The following RPH3A variants were observed in gnomAD, a reference collection of about 807,000 sequenced individuals.
The protein encoded by RPH3A is rabphilin-3A.
Under a neutral mutation model 102.2 loss-of-function variants are expected in RPH3A, and 48 were observed. The observed-to-expected ratio is 0.47, with a 90% CI of 0.37 to 0.60. The LOEUF is 0.60. Ranked by LOEUF, RPH3A falls within the 20% of genes least tolerant of loss-of-function variation. The probability of loss-of-function intolerance (pLI) is 0.00; values close to 1 mark genes in which losing one functional copy is unlikely to be tolerated. For synonymous variants in RPH3A, 310 were observed against 324.3 expected (o/e 0.96, Z 0.47); for missense variants, 781 against 910.1 (o/e 0.86, Z 1.83).
At position 112,608,299 on chromosome 12, in the gene RPH3A, A is replaced by G. The variant is rs563022030; in HGVS notation, c.-140+32980A>G. On this transcript the variant is annotated intron_variant, in intron 1 of 21. Transcript: ENST00000543106. ...TCTGGCTATTTTTTGTATTTTTAGT[A>G]GAGATGGGGTTTCACCATGTTGGCC... Among the ~76,000 whole-genome samples, 8 of 151,952 alleles carry G rather than the reference A, an allele frequency of 5.3e-5. No individual in the cohort carries two copies. The South Asian group carries it at 1.5e-3, about 28-fold the overall frequency.
At chr12:112,688,194 A>T (rs560453218) in intron 1 of RPH3A, among the ~76,000 whole-genome samples, 2 of 152,318 alleles carry the variant, frequency 1.3e-5, no homozygotes, top group African/African-American at 4.8e-5. Context: ...CAGATAGGAA[A>T]TTTTTGAATT....
intron 1 of RPH3A, among the ~76,000 whole-genome samples, chr12:112,682,427 T>A (rs2040234003): frequency 6.6e-6 from 1 of 151,024 alleles, no homozygotes; most frequent in Non-Finnish European, 1.5e-5. Context: ...TTACTCAGTC[T>A]ACTGATTCAA....
chr12:112,721,967 C>A (rs1592962950), intron 1 of RPH3A, among the ~76,000 whole-genome samples: 1 of 152,300 alleles, frequency 6.6e-6, no homozygotes, highest in Middle Eastern at 3.4e-3. Flanking sequence ...AGGAGTGAAT[C>A]TCCCTTTCCC....
At chr12:112,771,037 G>A (rs887267379) in intron 1 of RPH3A, among the ~76,000 whole-genome samples, 4 of 152,256 alleles carry the variant, frequency 2.6e-5, no homozygotes, top group African/African-American at 9.6e-5. Context: ...AGGTACAAGT[G>A]GTTGCAAATT....
chr12:112,817,829 G>GTGCCTCT (rs367725240), intron 2 of RPH3A, among the ~76,000 whole-genome samples: 230 of 152,294 alleles, frequency 1.5e-3, no homozygotes, highest in African/African-American at 5.1e-3. Context: ...CTGAGGTAGA[G>GTGCCTCT]GAGGGAAGGA....
chr12:112,770,627 A>C (rs998795454), intron 1 of RPH3A, among the ~76,000 whole-genome samples: 13 of 152,162 alleles, frequency 8.5e-5, no homozygotes, highest in African/African-American at 1.4e-4. Context: ...TGCTAGGCTC[A>C]TGCCTGGCAA....
intron 1 of RPH3A, among the ~76,000 whole-genome samples, chr12:112,781,162 AAAAAC>A (rs1166973588): frequency 1.3e-5 from 2 of 149,770 alleles, no homozygotes. Context: ...TCCATCTCAA[AAAAAC>A]AAAACAAAAC....
chr12:112,853,440 GATT>G (rs1432739531), intron 5 of RPH3A, among the ~76,000 whole-genome samples: 6 of 152,150 alleles, frequency 3.9e-5, no homozygotes, highest in Non-Finnish European at 7.3e-5. Flanking sequence ...CAGTGTTGGG[GATT>G]ATTGAGTAGT....
chr12:112,618,345 C>G (rs1241368513), intron 1 of RPH3A, among the ~76,000 whole-genome samples: 1 of 152,324 alleles, frequency 6.6e-6, no homozygotes, highest in East Asian at 1.9e-4. Flanking sequence ...TTCTGCAGAG[C>G]AATTCCACAG....
intron 1 of RPH3A, among the ~76,000 whole-genome samples, chr12:112,612,941 C>T (rs545688243): frequency 7.9e-5 from 12 of 152,066 alleles, no homozygotes; most frequent in Non-Finnish European, 1.5e-4. Flanking sequence ...CAGGTATAAA[C>T]AAGATTATTC....
In RPH3A at chr12:112,800,290, A is replaced by G. The variant is rs921925283; in HGVS notation, c.-19+8027A>G. Among the ~76,000 whole-genome samples the G allele has an allele frequency of 2.6e-5, 4 of 152,146 alleles. No homozygotes were observed. The South Asian group carries it at 6.2e-4, about 24-fold the overall frequency. ...TAGATGGTGAAGGGAGGGATGAGCCACACCTGGGAAGTGGGGGCAGTAAGT... is the reference window on the plus strand; with the variant it reads ...TAGATGGTGAAGGGAGGGATGAGCCGCACCTGGGAAGTGGGGGCAGTAAGT... On this transcript the variant is annotated intron_variant, in intron 2 of 21. Coordinates refer to ENST00000389385, the MANE Select transcript of RPH3A (RefSeq NM_001143854.2).
At chr12:112,688,712 G>A (rs909519922) in intron 1 of RPH3A, among the ~76,000 whole-genome samples, 1 of 152,092 alleles carries the variant, frequency 6.6e-6, no homozygotes, top group Admixed American at 6.6e-5. Flanking sequence ...CATTGAGTTA[G>A]GTTTTATAAT....
chr12:112,576,934 C>T (rs1476019409), intron 1 of RPH3A, among the ~76,000 whole-genome samples: 2 of 89,076 alleles, frequency 2.2e-5, no homozygotes, highest in Non-Finnish European at 1.9e-5. Context: ...GAGATAGAGT[C>T]TCTCTCTGTC....
At chr12:112,894,374 C>A (rs1241368125) in intron 19 of RPH3A, 3 of 596,600 alleles carry the variant, frequency 5.0e-6, no homozygotes, top group Non-Finnish European at 8.8e-6. Context: ...TGCCTAGGGT[C>A]ATGTGGGGAT....
intron 1 of RPH3A, among the ~76,000 whole-genome samples, chr12:112,696,525 C>G (rs1325807761): frequency 6.6e-6 from 1 of 152,198 alleles, no homozygotes; most frequent in African/African-American, 2.4e-5. Flanking sequence ...TCTGGTGGGC[C>G]TGACTCTGAA....
At chr12:112,743,658 C>T (rs187467329) in intron 1 of RPH3A, among the ~76,000 whole-genome samples, 12 of 152,224 alleles carry the variant, frequency 7.9e-5, no homozygotes, top group Admixed American at 5.2e-4. Context: ...GGATGAAGTA[C>T]ATCTTGAATA....
At chr12:112,627,672 A>G (rs1029466299) in intron 1 of RPH3A, among the ~76,000 whole-genome samples, 2 of 152,150 alleles carry the variant, frequency 1.3e-5, no homozygotes, top group African/African-American at 4.8e-5. Flanking sequence ...GGATGCTGGC[A>G]GTGGTAGGTG....
intron 11 of RPH3A, 133 bp downstream of exon 11, chr12:112,875,303 T>A (rs1203153999): frequency 2.9e-6 from 2 of 698,954 alleles, no homozygotes; most frequent in East Asian, 2.8e-5. Context: ...TAACCTCTTC[T>A]AAGACCCTTA....
chr12:112,832,784 A>G (rs2041990768), intron 3 of RPH3A, among the ~76,000 whole-genome samples: 1 of 152,218 alleles, frequency 6.6e-6, no homozygotes, highest in Non-Finnish European at 1.5e-5. Context: ...TCAAGGTTGC[A>G]GTGAGCTATG....
Sources: gnomAD v4.1 joint callset for allele counts (sites outside exome capture counted in the v4.1 genomes callset) on GRCh38, gnomAD v4.1.1 for gene constraint, MANE v1.5 for transcripts, NCBI Gene and HGNC (gene_info 2026-07-23, HGNC 2026-07-21) for gene names.